CRACD: variants seen among roughly 807,000 people sequenced by gnomAD.
CRACD encodes capping protein-inhibiting regulator of actin dynamics.
In CRACD, 56 loss-of-function variants were observed where a neutral mutation model predicts 106.8. The ratio of observed to expected loss-of-function variants is 0.52; its 90% confidence interval spans 0.42 to 0.66. The LOEUF is 0.66. Among genes scored for constraint, CRACD ranks in the 30% least tolerant of loss-of-function variants. The probability of loss-of-function intolerance (pLI) is 0.00; values close to 1 mark genes in which losing one functional copy is unlikely to be tolerated. For missense variants in CRACD, 1,730 were observed against 1,623.2 expected, an observed-to-expected ratio of 1.07 and a Z score of -1.13; for synonymous variants, 754 against 670.8, an observed-to-expected ratio of 1.12 and a Z score of -1.92.
chr4:56,144,816 G>T (rs1210107817), intron 1 of CRACD, among the ~76,000 whole-genome samples: 1 of 152,010 alleles, frequency 6.6e-6, no homozygotes, highest in Non-Finnish European at 1.5e-5. Flanking sequence ...ACCATGCCTG[G>T]CTAATGTTTA....
intron 1 of CRACD, among the ~76,000 whole-genome samples, chr4:56,084,526 C>T (rs1353913197): frequency 6.6e-6 from 1 of 151,882 alleles, no homozygotes; most frequent in Non-Finnish European, 1.5e-5. Flanking sequence ...ATTTTGACTT[C>T]TTGCCTTTTA....
chr4:56,320,520 A>T (rs7683781), intron 8 of CRACD, among the ~76,000 whole-genome samples: 104,882 of 152,138 alleles, frequency 0.69, 36,270 homozygotes, highest in South Asian at 0.77. Flanking sequence ...CCTTTGTGCG[A>T]CATCATTTAC....
chr4:56,183,729 C>A lies in CRACD; in HGVS notation c.-189+4299C>A, dbSNP rs116817833. On this transcript the variant is annotated intron_variant, in intron 2 of 10. Coordinates refer to ENST00000682029, the MANE Select transcript of CRACD (RefSeq NM_001393381.1). ...ACGAACTAGAGCATGAGGCAAGGTG[C>A]GTGGTTCGGAGGTTGGTTGGTGAGG... 7.8e-3 allele frequency among the ~76,000 whole-genome samples: 1,185 copies of A among 152,200 alleles called. 13 individuals are homozygous for A. The highest frequency in any genetic ancestry group is 0.026 in the African/African-American group (1,082 of 41,528).
chr4:56,272,026 G>A (rs1323267417), intron 2 of CRACD, among the ~76,000 whole-genome samples: 1 of 152,236 alleles, frequency 6.6e-6, no homozygotes, highest in African/African-American at 2.4e-5. Flanking sequence ...TTACAGGCAT[G>A]AGCCACCATG....
chr4:56,057,799 ATTTTTTTTTTTTTTGTTTTTTTT>A (rs1732131332), intron 1 of CRACD, among the ~76,000 whole-genome samples: 1 of 43,480 alleles, frequency 2.3e-5, no homozygotes, highest in Non-Finnish European at 4.6e-5. Flanking sequence ...CATTTTTTGT[ATTTTTTTTTTTTTTGTTTTTTTT>A]TTTTTTTTTT....
intron 2 of CRACD, among the ~76,000 whole-genome samples, chr4:56,269,505 G>C (rs1427040455): frequency 2.0e-5 from 3 of 151,586 alleles, no homozygotes; most frequent in Non-Finnish European, 4.4e-5. Flanking sequence ...GAAAGGCAAA[G>C]TAGGAGCAGG....
chr4:56,257,380 C>G (rs901760883), intron 2 of CRACD, among the ~76,000 whole-genome samples: 8 of 151,930 alleles, frequency 5.3e-5, no homozygotes, highest in Non-Finnish European at 8.8e-5. Flanking sequence ...CCGTGCCTGG[C>G]CTTGATGCAT....
intron 3 of CRACD, among the ~76,000 whole-genome samples, chr4:56,288,237 A>G (rs547270568): frequency 6.6e-6 from 1 of 151,692 alleles, no homozygotes; most frequent in Non-Finnish European, 1.5e-5. Flanking sequence ...TTCTTTTTTT[A>G]AAAAATTCCA....
intron 2 of CRACD, among the ~76,000 whole-genome samples, chr4:56,256,452 A>G (rs1350017477): frequency 6.6e-6 from 1 of 152,296 alleles, no homozygotes. Context: ...ATGAAAACGA[A>G]CTAATACAAC....
rs982359418 is a variant in CRACD, at chr4:56,327,920, T to C, written c.*116T>C. ...AGCTAGGGAAAAGAAGCATGTTTTA[T>C]AGGCTCCAAAATAATGTTTAGAAAC... On this transcript the variant is annotated 3_prime_UTR_variant, in exon 11 of 11. Transcript: ENST00000682029. 2.2e-6 allele frequency: 2 copies of C among 910,856 alleles called. No homozygotes were observed. The highest frequency in any genetic ancestry group is 1.7e-5 in the African/African-American group (1 of 59,372). The allele number at this position is 910,856 out of a possible 1,614,324, so 56.4% of individuals were successfully genotyped here.
chr4:56,328,127 A>G lies in CRACD; in HGVS notation c.*323A>G. 1 of 379,942 alleles carries G rather than the reference A, an allele frequency of 2.6e-6. No homozygotes were observed. Among genetic ancestry groups the G allele is most frequent in the South Asian group, 2.3e-5 (1 of 44,424 alleles). 23.5% of individuals were successfully genotyped at this position (379,942 alleles called of 1,614,324 possible). A position where few individuals can be genotyped will look rare whatever the true frequency, so the allele number is the denominator to read the frequency against. ...CATGGCCTTGCACACACACCCACCCACACACCATTCAGAACATGTACTTTT... is the reference window on the plus strand; with the variant it reads ...CATGGCCTTGCACACACACCCACCCGCACACCATTCAGAACATGTACTTTT... On this transcript the variant is annotated 3_prime_UTR_variant, in exon 11 of 11. Transcript: ENST00000682029.
chr4:56,077,378 A>G (rs1417742994), intron 1 of CRACD, among the ~76,000 whole-genome samples: 2 of 152,174 alleles, frequency 1.3e-5, no homozygotes, highest in Non-Finnish European at 2.9e-5. Flanking sequence ...TGTGGGCATT[A>G]TGGGGATTAC....
intron 2 of CRACD, among the ~76,000 whole-genome samples, chr4:56,248,163 TC>T (rs1333831406): frequency 6.6e-6 from 1 of 152,206 alleles, no homozygotes; most frequent in Non-Finnish European, 1.5e-5. Flanking sequence ...CACTGAAGAA[TC>T]AGGAGTGTTA....
At chr4:56,124,849 C>G (rs1410990337) in intron 1 of CRACD, among the ~76,000 whole-genome samples, 2 of 152,026 alleles carry the variant, frequency 1.3e-5, no homozygotes, top group African/African-American at 4.8e-5. Context: ...ATTGTGGGCT[C>G]TAATATCCCT....
chr4:56,308,481 G>T (rs1294184101), intron 5 of CRACD, among the ~76,000 whole-genome samples: 9 of 105,512 alleles, frequency 8.5e-5, no homozygotes, highest in African/African-American at 2.6e-4. Flanking sequence ...AAAAAAAAAT[G>T]AAAAAACAAA....
Position 56,315,161 on chromosome 4 carries a change from C to A in CRACD, c.1659C>A (p.Val553=). Reference sequence around the variant, plus strand: ...GGAAGCAGATTCTCTTTCCCAAAGTCAACCTGAGCCCCGTGACGCCCGCAA... The same window carrying A: ...GGAAGCAGATTCTCTTTCCCAAAGTAAACCTGAGCCCCGTGACGCCCGCAA... ...SGGKQILFPK[V]NLSPVTPAKD... The change falls in exon 8 of 11, where the codon GTC becomes GTA. Residue 553 remains valine (V), a synonymous_variant. Coordinates refer to ENST00000682029, the MANE Select transcript of CRACD (RefSeq NM_001393381.1). This position sits in a 1 kb window ranked among gnomAD's most constrained non-coding sequence, Gnocchi z 4.1. 1 of 1,603,800 alleles carries A rather than the reference C, an allele frequency of 6.2e-7. No individual in the cohort carries two copies. Among genetic ancestry groups the A allele is most frequent in the Non-Finnish European group, 8.5e-7 (1 of 1,175,856 alleles).
intron 2 of CRACD, among the ~76,000 whole-genome samples, chr4:56,217,464 G>A (rs141460072): frequency 1.0e-3 from 153 of 152,182 alleles, no homozygotes; most frequent in African/African-American, 3.5e-3. Flanking sequence ...CAGGTCCTAG[G>A]TGGATTCAAA....
Position 56,298,240 on chromosome 4 carries a change from G to A in CRACD, c.11G>A (p.Arg4Gln), listed in dbSNP as rs763160970. MGT[R>Q]AFSHDSIFIP... is the part of the protein sequence containing the mutation. ...TCCTTCAACTATTCTATGGGAACCC[G>A]GGCATTTTCCCATGACAGTATTTTT... The change falls in exon 4 of 11, where the codon CGG (arginine) becomes CAG (glutamine). Residue 4 changes from arginine to glutamine, a missense_variant. Arg to Gln is a conservative substitution (Grantham distance 43). Transcript: ENST00000682029. 5.6e-6 allele frequency: 9 copies of A among 1,613,878 alleles called. No homozygotes were observed. In the East Asian group the frequency reaches 8.9e-5, roughly 16 times the overall value.
At chr4:56,177,956 A>AC (rs1736658221) in intron 1 of CRACD, among the ~76,000 whole-genome samples, 1 of 151,944 alleles carries the variant, frequency 6.6e-6, no homozygotes, top group South Asian at 2.1e-4. Flanking sequence ...AAAAAAGCCA[A>AC]CTTTTTATTT....
Sources: gnomAD v4.1 joint callset for allele counts (sites outside exome capture counted in the v4.1 genomes callset) on GRCh38, gnomAD v4.1.1 for gene constraint, Gnocchi (gnomAD v3.1) non-coding constraint, MANE v1.5 for transcripts, NCBI Gene and HGNC (gene_info 2026-07-23, HGNC 2026-07-21) for gene names.